Variants in CFTR observed in about 807,000 individuals in gnomAD.
The protein encoded by CFTR is cystic fibrosis transmembrane conductance regulator.
In CFTR, 181 loss-of-function variants were observed where a neutral mutation model predicts 171.6. The observed-to-expected ratio is 1.05, with a 90% CI of 0.93 to 1.19. The LOEUF (loss-of-function observed/expected upper bound fraction) is 1.19. Among genes scored for constraint, CFTR ranks in the 50% most tolerant of loss-of-function variants. The probability of loss-of-function intolerance (pLI) is 0.00; values close to 1 mark genes in which losing one functional copy is unlikely to be tolerated. For missense variants in CFTR, 1,968 were observed against 1,734.7 expected, an observed-to-expected ratio of 1.13 and a Z score of -2.39; for synonymous variants, 583 against 608.0, an observed-to-expected ratio of 0.96 and a Z score of 0.60.
At chr7:117,614,957 T>C (rs370510599) in intron 21 of CFTR, among the ~76,000 whole-genome samples, 3 of 152,198 alleles carry the variant, frequency 2.0e-5, no homozygotes, top group African/African-American at 7.2e-5. Flanking sequence ...TTATTCAGGA[T>C]TTTCTAGGAG....
chr7:117,580,608 G>T (rs1394293150), intron 11 of CFTR, among the ~76,000 whole-genome samples: 1 of 152,052 alleles, frequency 6.6e-6, no homozygotes, highest in East Asian at 1.9e-4. Flanking sequence ...TTATGAGGAG[G>T]GGTGTGGATA....
intron 11 of CFTR, among the ~76,000 whole-genome samples, chr7:117,573,058 T>C (rs28627628): frequency 1.1e-5 from 1 of 87,774 alleles, no homozygotes; most frequent in Non-Finnish European, 2.6e-5. Flanking sequence ...CTCTCTCTCT[T>C]GCTCTCTCTC....
At chr7:117,653,382 A>C (rs1215657430) in intron 24 of CFTR, among the ~76,000 whole-genome samples, 1 of 152,182 alleles carries the variant, frequency 6.6e-6, no homozygotes, top group African/African-American at 2.4e-5. Context: ...GAGAAGTCAA[A>C]GATCAAGGTG....
At chr7:117,610,848 AT>A (rs1422373288) in intron 19 of CFTR, among the ~76,000 whole-genome samples, 179 bp downstream of exon 19, 5 of 152,090 alleles carry the variant, frequency 3.3e-5, no homozygotes, top group African/African-American at 1.2e-4. Context: ...GTACACATGG[AT>A]TTTTTTTCTT....
chr7:117,480,253 A>T (rs1434488015), intron 1 of CFTR, 106 bp downstream of exon 1: 2 of 948,306 alleles, frequency 2.1e-6, no homozygotes, highest in Non-Finnish European at 3.5e-6. Context: ...TTTTAAAAAG[A>T]TGCGCTATCA....
At chr7:117,603,916 C>T (rs950555392) in intron 17 of CFTR, 134 bp downstream of exon 17, 4 of 886,086 alleles carry the variant, frequency 4.5e-6, no homozygotes, top group Non-Finnish European at 7.5e-6. Context: ...ATTTGACTGG[C>T]ATGCACATGT....
chr7:117,668,258 CAT>C lies in CFTR; in HGVS notation c.*1156_*1157del, dbSNP rs1793418759. 1 of 152,130 alleles carries C rather than the reference CAT, an allele frequency of 6.6e-6. No homozygotes were observed. Among genetic ancestry groups the C allele is most frequent in the Non-Finnish European group, 1.5e-5 (1 of 68,026 alleles). The allele number at this position is 152,130 out of a possible 1,614,324, so 9.4% of individuals were successfully genotyped here. On this transcript the variant is annotated 3_prime_UTR_variant, in exon 27 of 27. Transcript: ENST00000003084. ...ATATTTATTTTAATAATGTTTCAAA[CAT>C]ATATAACAATGCTGTATTTTAAAAG...
chr7:117,592,392 C>T lies in CFTR; in HGVS notation c.2225C>T (p.Ser742Phe), dbSNP rs1792044335. The T allele has an allele frequency of 3.1e-6, 5 of 1,614,040 alleles. No homozygotes were observed. The highest frequency in any genetic ancestry group is 4.2e-6 in the Non-Finnish European group (5 of 1,179,964). ...LERRLSLVPD[S>F]EQGEAILPRI... ...AGAAGGCTGTCCTTAGTACCAGATT[C>T]TGAGCAGGGAGAGGCGATACTGCCT... Residue 742 changes from serine (S) to phenylalanine (F), a missense_variant, in exon 14 of 27, where the codon TCT becomes TTT. Physicochemically the swap from Ser to Phe is radical, Grantham distance 155. Coordinates refer to ENST00000003084, the MANE Select transcript of CFTR (RefSeq NM_000492.4).
At chr7:117,649,337 GAT>G (rs1793048178) in intron 23 of CFTR, among the ~76,000 whole-genome samples, 1 of 146,640 alleles carries the variant, frequency 6.8e-6, no homozygotes, top group Admixed American at 6.9e-5. Flanking sequence ...TGGCAGTAGA[GAT>G]ATATATATCT....
chr7:117,611,730 C>G lies in CFTR; in HGVS notation c.3289C>G (p.Arg1097Gly). 1.9e-6 allele frequency: 3 copies of G among 1,613,452 alleles called. No homozygotes were observed. Among genetic ancestry groups the G allele is most frequent in the Non-Finnish European group, 2.5e-6 (3 of 1,179,686 alleles). Residue 1097 changes from arginine (R) to glycine (G), a missense_variant, in exon 20 of 27, where the codon CGC becomes GGC. Coordinates refer to ENST00000003084, the MANE Select transcript of CFTR (RefSeq NM_000492.4). ...CTGGTTCTTGTACCTGTCAACACTG[C>G]GCTGGTTCCAAATGAGAATAGAAAT... ...ANWFLYLSTL[R>G]WFQMRIEMIF...
At chr7:117,664,382 C>A (rs1008843035) in intron 24 of CFTR, among the ~76,000 whole-genome samples, 6 of 152,204 alleles carry the variant, frequency 3.9e-5, no homozygotes, top group African/African-American at 1.4e-4. Flanking sequence ...CTGAGCCTCA[C>A]AAGAGCCATG....
chr7:117,648,532 C>T (rs1331034147), intron 23 of CFTR, among the ~76,000 whole-genome samples: 1 of 152,050 alleles, frequency 6.6e-6, no homozygotes, highest in East Asian at 1.9e-4. Flanking sequence ...CAGATATTTG[C>T]ACATCCTAAC....
chr7:117,624,156 A>G (rs1345078843), intron 21 of CFTR, among the ~76,000 whole-genome samples: 2 of 152,186 alleles, frequency 1.3e-5, no homozygotes, highest in Non-Finnish European at 2.9e-5. Flanking sequence ...TTGAGCACGC[A>G]TTCCACTGAG....
At chr7:117,602,801 T>A in intron 15 of CFTR, 25 bp from the exon 16 acceptor site, 1 of 1,612,252 alleles carries the variant, frequency 6.2e-7, no homozygotes, top group Non-Finnish European at 8.5e-7. Flanking sequence ...AGAAAAAAAA[T>A]CAACTGTGTC....
intron 3 of CFTR, 60 bp downstream of exon 3, chr7:117,509,202 A>T: frequency 9.6e-7 from 1 of 1,045,136 alleles, no homozygotes; most frequent in Non-Finnish European, 1.5e-6. Context: ...TTTTGTGATT[A>T]TGAAAAGACT....
chr7:117,650,729 A>G (rs1793076216), intron 23 of CFTR, among the ~76,000 whole-genome samples: 1 of 152,160 alleles, frequency 6.6e-6, no homozygotes, highest in African/African-American at 2.4e-5. Context: ...TAGGAAGAGG[A>G]AGCTAATCTC....
intron 16 of CFTR, 28 bp downstream of exon 16, chr7:117,602,891 A>T (rs753806961): frequency 7.6e-6 from 12 of 1,583,034 alleles, no homozygotes; most frequent in Middle Eastern, 3.3e-4. Flanking sequence ...TATTGTGTAG[A>T]TTGTGTTTTA....
intron 3 of CFTR, among the ~76,000 whole-genome samples, chr7:117,511,665 G>A (rs1280919696): frequency 2.6e-5 from 4 of 152,338 alleles, no homozygotes; most frequent in African/African-American, 9.6e-5. Context: ...CAAGTGTGAT[G>A]AGGCTGCAGG....
chr7:117,631,734 T>C (rs1025529527), intron 22 of CFTR, among the ~76,000 whole-genome samples: 1 of 152,190 alleles, frequency 6.6e-6, no homozygotes, highest in South Asian at 2.1e-4. Flanking sequence ...TTGAGAGGTA[T>C]CCGTTTATAA....
Sources: allele counts gnomAD v4.1 joint callset (sites outside exome capture counted in the v4.1 genomes callset), GRCh38; gene constraint gnomAD v4.1.1; transcripts MANE v1.5; gene names NCBI Gene and HGNC (gene_info 2026-07-23, HGNC 2026-07-21).